The following ALG11 variants were observed in gnomAD, a reference collection of about 807,000 sequenced individuals.
The protein encoded by ALG11 is ALG11 alpha-1,2-mannosyltransferase.
A neutral mutation model predicts 38.8 loss-of-function variants in ALG11; 26 were observed. The observed-to-expected ratio is 0.67, with a 90% CI of 0.49 to 0.93. The LOEUF is 0.93. Ranked by LOEUF, ALG11 falls within the 40% of genes least tolerant of loss-of-function variation. The pLI is 0.00. For synonymous variants in ALG11, 199 were observed against 211.6 expected (o/e 0.94, Z 0.52); for missense variants, 535 against 578.8 (o/e 0.92, Z 0.78).
chr13:52,027,815 T>C (rs771464059), intron 3 of ALG11, among the ~76,000 whole-genome samples: 12 of 152,238 alleles, frequency 7.9e-5, no homozygotes, highest in Non-Finnish European at 1.5e-4. Context: ...ATTAAAATTG[T>C]TTTTTATATG....
rs745438534 is a variant in ALG11 at position 52,030,826 on chromosome 13, C to G, written c.*2236C>G. ...TGATTATCAGTGAGAAGCGCAACAT[C>G]CACGCAGCAGCTCATCAGGTACAAG... On this transcript the variant is annotated 3_prime_UTR_variant, in exon 4 of 4. Transcript: ENST00000521508. 23 of 1,614,184 alleles carry G rather than the reference C, an allele frequency of 1.4e-5. No homozygotes were observed. In the South Asian group the frequency reaches 2.4e-4, roughly 17 times the overall value.
chr13:52,012,533 T>C (rs1954080394), intron 1 of ALG11, 71 bp downstream of exon 1: 1 of 1,608,942 alleles, frequency 6.2e-7, no homozygotes, highest in African/African-American at 1.3e-5. Context: ...CCAGTGTAGC[T>C]AAATTTTGCG....
intron 1 of ALG11, 89 bp from the exon 2 acceptor site, chr13:52,018,824 A>G (rs1954157744): frequency 9.5e-7 from 1 of 1,053,476 alleles, no homozygotes; most frequent in African/African-American, 1.6e-5. Context: ...TTACTAATAT[A>G]TAAAGTAGAT....
In ALG11 at chr13:52,028,447, G is replaced by A. The variant is rs1283781232; in HGVS notation, c.1336G>A (p.Ala446Thr). The A allele has an allele frequency of 6.2e-7, 1 of 1,614,072 alleles. No individual in the cohort carries two copies. Among genetic ancestry groups the A allele is most frequent in the Admixed American group, 1.7e-5 (1 of 60,004 alleles). ...TCTGGCTGAGAGTGAAGAAGACTAT[G>A]CTGAAACTATCGCTCACATTCTTTC... is the stretch of plus-strand genomic sequence containing the variant. ...GFLAESEEDY[A>T]ETIAHILSMS... Residue 446 changes from alanine (A) to threonine (T), a missense_variant, in exon 4 of 4, where the codon GCT (alanine) becomes ACT (threonine). Physicochemically the swap from Ala to Thr is moderately conservative, Grantham distance 58. Coordinates refer to ENST00000521508, the MANE Select transcript of ALG11 (RefSeq NM_001004127.3).
At chr13:52,014,271 A>G (rs1449583865) in intron 1 of ALG11, among the ~76,000 whole-genome samples, 1 of 152,224 alleles carries the variant, frequency 6.6e-6, no homozygotes, top group Non-Finnish European at 1.5e-5. Context: ...ATTTGCAAAA[A>G]GTGTAAATCA....
At chr13:52,023,060 T>C (rs922684606) in intron 2 of ALG11, 12 of 152,376 alleles carry the variant, frequency 7.9e-5, no homozygotes, top group African/African-American at 2.9e-4. Context: ...TTCATACTAA[T>C]TATATCTAAT....
At chr13:52,028,257 C>T (rs1229686024) in intron 3 of ALG11, 62 bp from the exon 4 acceptor site, 1 of 1,598,074 alleles carries the variant, frequency 6.3e-7, no homozygotes, top group Non-Finnish European at 8.6e-7. Flanking sequence ...TCTATTCATC[C>T]TCATTCTTAT....
At position 52,024,032 on chromosome 13, in the gene ALG11, A is replaced by G. The variant is rs769674961; in HGVS notation, c.302A>G (p.Tyr101Cys). The change falls in exon 3 of 4, where the codon TAT becomes TGT. Residue 101 changes from tyrosine (Y) to cysteine (C), a missense_variant. Physicochemically the swap from Tyr to Cys is radical, Grantham distance 194. Coordinates refer to ENST00000521508, the MANE Select transcript of ALG11 (RefSeq NM_001004127.3). ...KKYPEAVYVVYTGDVNVNGQQ... is the reference protein window; with the variant it reads ...KKYPEAVYVVCTGDVNVNGQQ... ...TATCCTGAAGCAGTTTATGTTGTTT[A>G]TACCGGCGATGTTAATGTCAACGGT... 1.2e-6 allele frequency: 2 copies of G among 1,614,032 alleles called. No homozygotes were observed. The highest frequency in any genetic ancestry group is 2.7e-5 in the African/African-American group (2 of 74,926).
Position 52,030,621 on chromosome 13 carries a change from A to T in ALG11, c.*2031A>T, listed in dbSNP as rs559486838. 1.3e-4 allele frequency: 208 copies of T among 1,614,180 alleles called. 1 individual carries two copies. In the South Asian group the frequency reaches 2.2e-3, roughly 17 times the overall value. ...TTTGCTGGGGATGATGTCATCAGAG[A>T]TTTCTTGAAAGAGAAGAGGGAAGCT... On this transcript the variant is annotated 3_prime_UTR_variant, in exon 4 of 4. Coordinates refer to ENST00000521508, the MANE Select transcript of ALG11 (RefSeq NM_001004127.3).
At position 52,012,455 on chromosome 13, in the gene ALG11, T is replaced by C. The variant is rs765271157; in HGVS notation, c.37T>C (p.Leu13=). The C allele has an allele frequency of 6.2e-7, 1 of 1,614,070 alleles. No homozygotes were observed. The highest frequency in any genetic ancestry group is 2.2e-5 in the East Asian group (1 of 44,882). Residue 13 remains leucine, a synonymous_variant, in exon 1 of 4, where the codon TTG becomes CTG. Transcript: ENST00000521508. ...CGAAAGGAGCTGGTGCCTGTGCAAG[T>C]TGTTGAGGTGAGCAGCCGGTCGTGT... ...AGERSWCLCK[L]LRFFYSLFFP...
chr13:52,017,388 G>A (rs1199378336), intron 1 of ALG11: 1 of 152,188 alleles, frequency 6.6e-6, no homozygotes, highest in Non-Finnish European at 1.5e-5. Context: ...CGTGAGATTT[G>A]GAGGGGCCAG....
At position 52,029,948 on chromosome 13, in the gene ALG11, A is replaced by C. The variant is rs763084819; in HGVS notation, c.*1358A>C. ...GATGTTCAGGAGCTGCACCAGTGAC[A>C]CCAAAGAGGCTGCAACACAGGAGGA... On this transcript the variant is annotated 3_prime_UTR_variant, in exon 4 of 4. Coordinates refer to ENST00000521508, the MANE Select transcript of ALG11 (RefSeq NM_001004127.3). The C allele has an allele frequency of 2.5e-6, 4 of 1,614,226 alleles. No homozygotes were observed. In the East Asian group the frequency reaches 8.9e-5, roughly 36 times the overall value.
rs748705291 is a variant in ALG11 at position 52,030,322 on chromosome 13, A to G, written c.*1732A>G. ...TATTGCTACAGAGGTCAGAGAGAGT[A>G]CAAACTCTGGAAGAGCTAGAAGAGC... On this transcript the variant is annotated 3_prime_UTR_variant, in exon 4 of 4. Transcript: ENST00000521508. The G allele has an allele frequency of 1.9e-6, 3 of 1,614,244 alleles. No homozygotes were observed. In the South Asian group the frequency reaches 3.3e-5, roughly 18 times the overall value.
At chr13:52,012,722 C>CT (rs1282397506) in intron 1 of ALG11, among the ~76,000 whole-genome samples, 18 of 151,238 alleles carry the variant, frequency 1.2e-4, no homozygotes, top group East Asian at 1.9e-4. Flanking sequence ...CCTGCTTCAG[C>CT]TTTTTTTTTC....
intron 1 of ALG11, chr13:52,017,634 G>A (rs1954145388): frequency 1.1e-5 from 2 of 178,506 alleles, no homozygotes; most frequent in Non-Finnish European, 2.3e-5. Flanking sequence ...CCTGTAAGAA[G>A]TGCCTTACAC....
In ALG11 at chr13:52,030,956, C is replaced by A. The variant is rs745348927; in HGVS notation, c.*2366C>A. 3 of 1,614,202 alleles carry A rather than the reference C, an allele frequency of 1.9e-6. No individual in the cohort carries two copies. The highest frequency in any genetic ancestry group is 2.2e-5 in the East Asian group (1 of 44,890). On this transcript the variant is annotated 3_prime_UTR_variant, in exon 4 of 4. Coordinates refer to ENST00000521508, the MANE Select transcript of ALG11 (RefSeq NM_001004127.3). ...GAGGGCTTTCCAAAAGCTGACTACT[C>A]CCAAGGTCGTCACCAAGCCAGGCCA... is the stretch of plus-strand genomic sequence containing the variant.
Position 52,030,506 on chromosome 13 carries a change from CCTT to C in ALG11, c.*1918_*1920del, listed in dbSNP as rs1426510164. 1.9e-6 allele frequency: 3 copies of C among 1,614,192 alleles called. No homozygotes were observed. Among genetic ancestry groups the C allele is most frequent in the Non-Finnish European group, 2.5e-6 (3 of 1,180,038 alleles). ...ACAGAACTTCCTGACCACACAGTCT[CCTT>C]CCGTGAGGTCTTTGGCAGTTCCCAC... On this transcript the variant is annotated 3_prime_UTR_variant, in exon 4 of 4. Coordinates refer to ENST00000521508, the MANE Select transcript of ALG11 (RefSeq NM_001004127.3).
chr13:52,031,010 G>T lies in ALG11; in HGVS notation c.*2420G>T. On this transcript the variant is annotated 3_prime_UTR_variant, in exon 4 of 4. Coordinates refer to ENST00000521508, the MANE Select transcript of ALG11 (RefSeq NM_001004127.3). ...CATTAAGCCCATAAAAGCAGAGGAT[G>T]TGGGCTACCAGTCTTCCTCAAGGTC... 6.2e-7 allele frequency: 1 copy of T among 1,614,190 alleles called. No individual in the cohort carries two copies. The highest frequency in any genetic ancestry group is 1.1e-5 in the South Asian group (1 of 91,078).
At chr13:52,021,548 G>A (rs906396972) in intron 2 of ALG11, 4 of 152,364 alleles carry the variant, frequency 2.6e-5, no homozygotes, top group African/African-American at 9.6e-5. Flanking sequence ...GTGACAGAGG[G>A]AGGCAGGTTC....
Sources: gnomAD v4.1 joint callset for allele counts (sites outside exome capture counted in the v4.1 genomes callset) on GRCh38, gnomAD v4.1.1 for gene constraint, MANE v1.5 for transcripts, NCBI Gene and HGNC (gene_info 2026-07-23, HGNC 2026-07-21) for gene names.